Variants in RAPGEF4 observed in about 807,000 individuals in gnomAD.
The protein encoded by RAPGEF4 is RAP guanine-nucleotide-exchange factor (GEF) 4.
In RAPGEF4, 66 loss-of-function variants were observed where a neutral mutation model predicts 147.9. That is an observed-to-expected ratio of 0.45 (90% CI 0.37 to 0.55). The LOEUF (loss-of-function observed/expected upper bound fraction) is 0.55, where lower values mean the gene tolerates loss of function less well. Ranked by LOEUF, RAPGEF4 falls within the 20% of genes least tolerant of loss-of-function variation. The pLI is 0.00. For synonymous variants in RAPGEF4, 419 were observed against 442.7 expected, an observed-to-expected ratio of 0.95 and a Z score of 0.67; for missense variants, 1,071 against 1,257.3, an observed-to-expected ratio of 0.85 and a Z score of 2.24.
intron 4 of RAPGEF4, among the ~76,000 whole-genome samples, chr2:172,849,868 A>G (rs556773313): frequency 4.6e-5 from 7 of 152,232 alleles, no homozygotes; most frequent in Admixed American, 2.6e-4. Context: ...TGTGCTTTCA[A>G]TGGTGATGGA....
At chr2:172,946,112 A>G (rs1170413064) in intron 6 of RAPGEF4, among the ~76,000 whole-genome samples, 3 of 152,250 alleles carry the variant, frequency 2.0e-5, no homozygotes, top group African/African-American at 7.2e-5. Flanking sequence ...TGCTGTATAC[A>G]TTTAAAGGAA....
In RAPGEF4 at chr2:172,961,188, C is replaced by T; in HGVS notation, c.658C>T (p.His220Tyr). The T allele has an allele frequency of 6.2e-7, 1 of 1,612,572 alleles. No individual in the cohort carries two copies. The change falls in exon 8 of 31, where the codon CAC becomes TAC. Residue 220 changes from histidine (H) to tyrosine (Y), a missense_variant. Coordinates refer to ENST00000397081, the MANE Select transcript of RAPGEF4 (RefSeq NM_007023.4). ...AAATGCCATTCTCTCTCGAGCACCTCACATGATAAGAGATAGAAAATACCA... is the reference window on the plus strand; with the variant it reads ...AAATGCCATTCTCTCTCGAGCACCTTACATGATAAGAGATAGAAAATACCA... Reference protein sequence around the residue: ...LRNAILSRAPHMIRDRKYHLK... With the variant: ...LRNAILSRAPYMIRDRKYHLK...
intron 29 of RAPGEF4, 47 bp downstream of exon 29, chr2:173,036,739 A>C: frequency 5.6e-6 from 8 of 1,417,066 alleles, no homozygotes; most frequent in Non-Finnish European, 7.8e-6. Flanking sequence ...TTTAAAATAA[A>C]ATTTGCATTT....
At position 173,020,716 on chromosome 2, in the gene RAPGEF4, G is replaced by C. The variant is rs1430704831; in HGVS notation, c.2253+1G>C. 1 of 1,611,966 alleles carries C rather than the reference G, an allele frequency of 6.2e-7. No individual in the cohort carries two copies. The highest frequency in any genetic ancestry group is 8.5e-7 in the Non-Finnish European group (1 of 1,178,454). ...CCCGCGAGAGCAATTCGATTCACTGGTAGGTGTGGATGGCCTGCTCAGAGC... is the reference window on the plus strand; with the variant it reads ...CCCGCGAGAGCAATTCGATTCACTGCTAGGTGTGGATGGCCTGCTCAGAGC... On this transcript the variant is annotated splice_donor_variant, in intron 23 of 30. Transcript: ENST00000397081. LOFTEE classifies it high-confidence loss of function.
intron 3 of RAPGEF4, among the ~76,000 whole-genome samples, chr2:172,808,986 T>G (rs548302144): frequency 1.2e-4 from 18 of 152,330 alleles, no homozygotes; most frequent in African/African-American, 3.6e-4. Flanking sequence ...TGAATGAAGT[T>G]AACTGGACCC....
chr2:172,921,713 C>T (rs1478494006), intron 5 of RAPGEF4, among the ~76,000 whole-genome samples: 2 of 152,222 alleles, frequency 1.3e-5, no homozygotes, highest in East Asian at 1.9e-4. Flanking sequence ...ATGGATGAGT[C>T]ATTAGCCTTC....
intron 4 of RAPGEF4, among the ~76,000 whole-genome samples, chr2:172,858,992 T>A (rs1356713333): frequency 6.6e-6 from 1 of 152,056 alleles, no homozygotes; most frequent in Non-Finnish European, 1.5e-5. Context: ...AATGCAGATG[T>A]CATTAGGATT....
chr2:172,946,997 C>G (rs1454035825), intron 6 of RAPGEF4, among the ~76,000 whole-genome samples: 2 of 152,186 alleles, frequency 1.3e-5, no homozygotes, highest in African/African-American at 4.8e-5. Flanking sequence ...ATGTGCTTCA[C>G]TTATTCTGAA....
intron 6 of RAPGEF4, among the ~76,000 whole-genome samples, chr2:172,923,258 T>TG (rs1559122951): frequency 3.3e-5 from 5 of 151,524 alleles, no homozygotes. Flanking sequence ...ACTTGGGAGG[T>TG]GGGGGTTGAT....
intron 25 of RAPGEF4, among the ~76,000 whole-genome samples, chr2:173,028,567 A>G (rs986944769): frequency 3.9e-5 from 6 of 152,050 alleles, no homozygotes; most frequent in African/African-American, 1.4e-4. Context: ...TTATATATAT[A>G]TATTTTTGCT....
chr2:172,914,614 AAG>A (rs200355775), intron 4 of RAPGEF4, among the ~76,000 whole-genome samples: 1 of 151,172 alleles, frequency 6.6e-6, no homozygotes, highest in Non-Finnish European at 1.5e-5. Context: ...AGAAAAGAGA[AAG>A]AGAGAGAAAG....
rs548530056 is a variant in RAPGEF4, at chr2:173,051,975, C to T, written c.*208C>T. 1.3e-3 allele frequency: 533 copies of T among 419,984 alleles called. 3 individuals are homozygous for T. The highest frequency in any genetic ancestry group is 1.6e-3 in the Non-Finnish European group (375 of 240,582). The allele number at this position is 419,984 out of a possible 1,614,324, so 26.0% of individuals were successfully genotyped here. A position where few individuals can be genotyped will look rare whatever the true frequency, so the allele number is the denominator to read the frequency against. ...CATGCCTAAAGCTTACACACTCTAG[C>T]TTAGGAATCCCCAGTTTGTGGCTAC... On this transcript the variant is annotated 3_prime_UTR_variant, in exon 31 of 31. Transcript: ENST00000397081.
intron 6 of RAPGEF4, among the ~76,000 whole-genome samples, chr2:172,936,390 G>A (rs989229991): frequency 6.6e-6 from 1 of 152,116 alleles, no homozygotes; most frequent in East Asian, 1.9e-4. Context: ...TTCTGTAAAT[G>A]CTACCTCCCA....
At chr2:172,798,994 G>A (rs1436692210) in intron 3 of RAPGEF4, among the ~76,000 whole-genome samples, 1 of 152,176 alleles carries the variant, frequency 6.6e-6, no homozygotes, top group Non-Finnish European at 1.5e-5. Flanking sequence ...GTCTCTCACA[G>A]GGCTGGCTTT....
chr2:172,967,892 T>C (rs1203397018), intron 10 of RAPGEF4, among the ~76,000 whole-genome samples: 1 of 152,172 alleles, frequency 6.6e-6, no homozygotes, highest in Non-Finnish European at 1.5e-5. Flanking sequence ...CCTCTGAGGC[T>C]TCTGTTCTTC....
chr2:173,029,044 G>A (rs1696929737), intron 25 of RAPGEF4, among the ~76,000 whole-genome samples: 2 of 152,154 alleles, frequency 1.3e-5, no homozygotes, highest in Admixed American at 1.3e-4. Flanking sequence ...ACATAGATGC[G>A]ATTGTATACC....
Position 172,957,241 on chromosome 2 carries a change from G to A in RAPGEF4, c.538-3519G>A, listed in dbSNP as rs77265632. 6.1e-3 allele frequency among the ~76,000 whole-genome samples: 924 copies of A among 152,308 alleles called. 14 individuals carry two copies. The highest frequency in any genetic ancestry group is 0.021 in the African/African-American group (881 of 41,566). On this transcript the variant is annotated intron_variant, in intron 6 of 30. Transcript: ENST00000397081. ...CTTGCTTTCTTTGTTTCTCACAAAT[G>A]TCACCATGCTTTTGTCTTTCCTTCT...
chr2:172,791,593 G>T (rs964566138), intron 1 of RAPGEF4, among the ~76,000 whole-genome samples: 1 of 152,154 alleles, frequency 6.6e-6, no homozygotes, highest in South Asian at 2.1e-4. Flanking sequence ...ATGACAGATA[G>T]AAGGTTGCTT....
chr2:172,977,345 G>A (rs1691182499), intron 10 of RAPGEF4, among the ~76,000 whole-genome samples: 1 of 152,126 alleles, frequency 6.6e-6, no homozygotes, highest in Non-Finnish European at 1.5e-5. Flanking sequence ...GCCACTGTTT[G>A]CCAAGAGAAA....
Sources: allele counts gnomAD v4.1 joint callset (sites outside exome capture counted in the v4.1 genomes callset), GRCh38; gene constraint gnomAD v4.1.1; transcripts MANE v1.5; gene names NCBI Gene and HGNC (gene_info 2026-07-23, HGNC 2026-07-21).